Variants in CCDC122 observed in about 807,000 individuals in gnomAD.
The protein encoded by CCDC122 is coiled-coil domain containing 122, also known as coiled-coil domain-containing protein 122.
In CCDC122, 38 loss-of-function variants were observed where a neutral mutation model predicts 37.0. The observed-to-expected ratio is 1.03, with a 90% confidence interval of 0.79 to 1.35. The LOEUF is 1.35. Ranked by LOEUF, CCDC122 falls within the 40% of genes most tolerant of loss-of-function variation. The probability of loss-of-function intolerance (pLI) is 0.00; values close to 1 mark genes in which losing one functional copy is unlikely to be tolerated. For missense variants in CCDC122, 305 were observed against 310.0 expected (o/e 0.98, Z 0.12); for synonymous variants, 83 against 95.6 (o/e 0.87, Z 0.77).
downstream of CCDC122, among the ~76,000 whole-genome samples, chr13:43,823,564 T>C (rs1953011757): frequency 6.6e-6 from 1 of 152,218 alleles, no homozygotes; most frequent in African/African-American, 2.4e-5. Context: ...CAAGTTTACC[T>C]AGGACATCAG....
At chr13:43,833,761 G>A (rs1953112388), downstream of CCDC122, among the ~76,000 whole-genome samples, 1 of 131,658 alleles carries the variant, frequency 7.6e-6, no homozygotes, top group African/African-American at 2.8e-5. Flanking sequence ...GCAGAGCAGT[G>A]TCCCTGATGA....
rs555199736 is a variant in CCDC122, at chr13:43,840,915, G to A, written c.673-3486C>T. Among the ~76,000 whole-genome samples, 35 of 152,192 alleles carry A rather than the reference G, an allele frequency of 2.3e-4. No homozygotes were observed. The South Asian group carries it at 6.4e-3, about 28-fold the overall frequency. On this transcript the variant is annotated intron_variant, in intron 6 of 6. Coordinates refer to ENST00000444614, the MANE Select transcript of CCDC122 (RefSeq NM_144974.5). ...TATATACCTAGTAATGGGATGGCTG[G>A]GTCAAATGGTATTTATAGTTCTAGA...
At chr13:43,860,633 CTTCTGG>C (rs1170836541) in intron 4 of CCDC122, among the ~76,000 whole-genome samples, 1 of 152,208 alleles carries the variant, frequency 6.6e-6, no homozygotes, top group East Asian at 1.9e-4. Flanking sequence ...CACCACCAGT[CTTCTGG>C]TTCTCCTTAG....
chr13:43,875,233 C>T (rs1019441556), intron 1 of CCDC122, among the ~76,000 whole-genome samples: 18 of 152,138 alleles, frequency 1.2e-4, no homozygotes, highest in African/African-American at 2.4e-5. Context: ...AACCTACCTG[C>T]TTGTCTCATT....
At chr13:43,838,673 T>C (rs1045539850) in intron 6 of CCDC122, among the ~76,000 whole-genome samples, 7 of 152,118 alleles carry the variant, frequency 4.6e-5, no homozygotes, top group African/African-American at 9.7e-5. Flanking sequence ...AAGGCTTTTA[T>C]TGGGGGCTTA....
chr13:43,856,908 G>T (rs1016750978), intron 6 of CCDC122, among the ~76,000 whole-genome samples: 1 of 151,388 alleles, frequency 6.6e-6, no homozygotes, highest in African/African-American at 2.4e-5. Flanking sequence ...TTTATAATTT[G>T]TGTACTTACT....
At chr13:43,852,861 C>A (rs1953787528) in intron 6 of CCDC122, among the ~76,000 whole-genome samples, 3 of 151,922 alleles carry the variant, frequency 2.0e-5, no homozygotes, top group African/African-American at 4.8e-5. Flanking sequence ...GAAATTCCAA[C>A]CCAGAATTTC....
chr13:43,878,964 C>T (rs923625493), intron 1 of CCDC122, among the ~76,000 whole-genome samples: 1 of 152,112 alleles, frequency 6.6e-6, no homozygotes, highest in Non-Finnish European at 1.5e-5. Flanking sequence ...CGAGGGGGCC[C>T]CTGACTTGAG....
downstream of CCDC122, among the ~76,000 whole-genome samples, chr13:43,821,369 G>A (rs372274601): frequency 7.0e-4 from 107 of 152,280 alleles, 6 homozygotes; most frequent in East Asian, 0.01. Context: ...GATTACAGGC[G>A]TCTGCCACAA....
Position 43,845,365 on chromosome 13 carries a change from T to A in CCDC122, c.673-7936A>T, listed in dbSNP as rs557797101. The stretch of plus-strand genomic sequence containing the variant: ...TCAAAAAAAGACCCATCTCTTTATC[T>A]ACATATTTTCCATTTCTAGTCCTTT... On this transcript the variant is annotated intron_variant, in intron 6 of 6. Coordinates refer to ENST00000444614, the MANE Select transcript of CCDC122 (RefSeq NM_144974.5). 6.6e-5 allele frequency among the ~76,000 whole-genome samples: 10 copies of A among 152,326 alleles called. No homozygotes were observed. In the East Asian group the frequency reaches 1.9e-3, roughly 29 times the overall value.
intron 6 of CCDC122, among the ~76,000 whole-genome samples, chr13:43,847,743 A>C (rs1953591671): frequency 6.6e-6 from 1 of 152,160 alleles, no homozygotes; most frequent in South Asian, 2.1e-4. Flanking sequence ...CTTTGCCTTC[A>C]GATCAGCTTT....
At chr13:43,847,698 C>T (rs1365318516) in intron 6 of CCDC122, among the ~76,000 whole-genome samples, 2 of 152,140 alleles carry the variant, frequency 1.3e-5, no homozygotes, top group Non-Finnish European at 2.9e-5. Context: ...TAATTAGTTA[C>T]TATATTATCT....
chr13:43,839,687 G>A (rs1179479073), intron 6 of CCDC122, among the ~76,000 whole-genome samples: 2 of 152,146 alleles, frequency 1.3e-5, no homozygotes, highest in African/African-American at 4.8e-5. Flanking sequence ...CAAAACGACT[G>A]TATAATTTTA....
At chr13:43,838,313 A>G (rs139075381) in intron 6 of CCDC122, among the ~76,000 whole-genome samples, 109 of 152,314 alleles carry the variant, frequency 7.2e-4, no homozygotes, top group African/African-American at 2.5e-3. Context: ...ATTCACTGAA[A>G]CACAGATCAT....
rs372127494 is a variant in CCDC122 at position 43,840,395 on chromosome 13, ATACTT to A, written c.673-2971_673-2967del. ...TTTATTTTTATTTTTATTTTTTACT[ATACTT>A]TAAGTTTTAGGGTACATGTGCACAA... On this transcript the variant is annotated intron_variant, in intron 6 of 6. Coordinates refer to ENST00000444614, the MANE Select transcript of CCDC122 (RefSeq NM_144974.5). Among the ~76,000 whole-genome samples, 1,041 of 152,242 alleles carry A rather than the reference ATACTT, an allele frequency of 6.8e-3. 7 individuals carry two copies. Among genetic ancestry groups the A allele is most frequent in the South Asian group, 0.02 (95 of 4,826 alleles).
chr13:43,832,583 C>T (rs1415631438), downstream of CCDC122, among the ~76,000 whole-genome samples: 1 of 152,146 alleles, frequency 6.6e-6, no homozygotes, highest in Non-Finnish European at 1.5e-5. Flanking sequence ...GTTACCTATG[C>T]ATTTGTGTGC....
downstream of CCDC122, among the ~76,000 whole-genome samples, chr13:43,823,077 A>T (rs973405427): frequency 2.2e-4 from 34 of 152,054 alleles, no homozygotes; most frequent in African/African-American, 8.0e-4. Flanking sequence ...AACACATCTC[A>T]GAGCCCAAGG....
At chr13:43,848,608 G>C (rs553403299) in intron 6 of CCDC122, 2 of 156,574 alleles carry the variant, frequency 1.3e-5, no homozygotes, top group African/African-American at 2.4e-5. Context: ...AATAGATACT[G>C]GGGGGAAGGA....
At position 43,837,241 on chromosome 13, in the gene CCDC122, G is replaced by T; in HGVS notation, c.*39C>A. ...CTTAATGTTCTGTCCAGTAATTTTT[G>T]TTGTCATGGTCTGTGTTCCACATTG... On this transcript the variant is annotated 3_prime_UTR_variant, in exon 7 of 7. Transcript: ENST00000444614. 6.4e-7 allele frequency: 1 copy of T among 1,567,586 alleles called. No homozygotes were observed. The highest frequency in any genetic ancestry group is 1.4e-5 in the African/African-American group (1 of 72,556).
Sources: gnomAD v4.1 joint callset for allele counts (sites outside exome capture counted in the v4.1 genomes callset) on GRCh38, gnomAD v4.1.1 for gene constraint, MANE v1.5 for transcripts, NCBI Gene and HGNC (gene_info 2026-07-23, HGNC 2026-07-21) for gene names.